RASA2: variants seen among roughly 807,000 people sequenced by gnomAD.
The protein encoded by RASA2 is ras GTPase-activating protein 2.
Under a neutral mutation model 118.2 loss-of-function variants are expected in RASA2, and 155 were observed. That is an observed-to-expected ratio of 1.31 (90% CI 1.15 to 1.50). RASA2 has a LOEUF of 1.50. RASA2 is among the 40% of genes most tolerant of loss of function. The pLI, the probability that RASA2 is intolerant of heterozygous loss-of-function variation, is 0.00. For synonymous variants in RASA2, 353 were observed against 349.1 expected, an observed-to-expected ratio of 1.01 and a Z score of -0.12; for missense variants, 1,016 against 1,009.6, an observed-to-expected ratio of 1.01 and a Z score of -0.09.
intron 13 of RASA2, 62 bp from the exon 14 acceptor site, chr3:141,573,882 T>C (rs2082963727): frequency 2.2e-6 from 3 of 1,371,180 alleles, no homozygotes; most frequent in Middle Eastern, 4.7e-4. Flanking sequence ...TTTTCTTTCA[T>C]GAAGGCTATT....
At chr3:141,544,996 G>A (rs2082463166) in intron 5 of RASA2, among the ~76,000 whole-genome samples, 1 of 152,206 alleles carries the variant, frequency 6.6e-6, no homozygotes, top group Non-Finnish European at 1.5e-5. Context: ...CCAGAGGGTG[G>A]AGAGTAGGAG....
intron 3 of RASA2, among the ~76,000 whole-genome samples, chr3:141,523,809 C>G (rs1361748690): frequency 6.6e-6 from 1 of 152,176 alleles, no homozygotes; most frequent in Non-Finnish European, 1.5e-5. Flanking sequence ...ATGTCAGAGA[C>G]CTGAATACCA....
chr3:141,580,348 G>GT lies in RASA2; in HGVS notation c.1591-19dup. ...TTTTCTTGAAAACTTAGTAGTTTTG[G>GT]TCTTTTTTACATTCTTTAGGATGCA... On this transcript the variant is annotated intron_variant, in intron 15 of 23. Coordinates refer to ENST00000286364, the MANE Select transcript of RASA2 (RefSeq NM_006506.5). 1 of 1,536,458 alleles carries GT rather than the reference G, an allele frequency of 6.5e-7. No individual in the cohort carries two copies. The highest frequency in any genetic ancestry group is 1.2e-5 in the South Asian group (1 of 84,644).
At chr3:141,589,875 T>C (rs1159937159) in intron 19 of RASA2, among the ~76,000 whole-genome samples, 1 of 152,014 alleles carries the variant, frequency 6.6e-6, no homozygotes, top group Non-Finnish European at 1.5e-5. Context: ...ATCTCTGTTC[T>C]GTCCACTGAT....
intron 19 of RASA2, among the ~76,000 whole-genome samples, chr3:141,592,380 A>G (rs1235747776): frequency 6.6e-6 from 1 of 152,220 alleles, no homozygotes; most frequent in African/African-American, 2.4e-5. Context: ...TGGCTGGAAA[A>G]TTGAAGAAGA....
Position 141,580,280 on chromosome 3 carries a change from C to G in RASA2, c.1591-88C>G, listed in dbSNP as rs74488732. ...ACGTTTTTGAGTCATTGTTTTACAG[C>G]AATGTAGTCCATTTACTCTATTCTA... On this transcript the variant is annotated intron_variant, in intron 15 of 23. Coordinates refer to ENST00000286364, the MANE Select transcript of RASA2 (RefSeq NM_006506.5). The G allele has an allele frequency of 1.6e-3, 1,557 of 961,820 alleles. 20 individuals carry two copies. The African/African-American group carries it at 0.023, about 14-fold the overall frequency. 59.6% of individuals were successfully genotyped at this position (961,820 alleles called of 1,614,324 possible).
chr3:141,531,460 G>A (rs952594563), intron 4 of RASA2, among the ~76,000 whole-genome samples: 23 of 151,202 alleles, frequency 1.5e-4, no homozygotes, highest in African/African-American at 4.9e-4. Context: ...ATATGCATAT[G>A]TGTGTATATA....
At chr3:141,598,981 G>A (rs1213333023) in intron 19 of RASA2, among the ~76,000 whole-genome samples, 2 of 151,980 alleles carry the variant, frequency 1.3e-5, no homozygotes, top group Non-Finnish European at 2.9e-5. Flanking sequence ...CCAGTTACTC[G>A]GGAGGCTGAG....
At chr3:141,594,873 G>GT (rs35106155) in intron 19 of RASA2, among the ~76,000 whole-genome samples, 37,083 of 148,920 alleles carry the variant, frequency 0.25, 5,167 homozygotes, top group Non-Finnish European at 0.32. Context: ...AAGAATGCCT[G>GT]TTTTTTTTTT....
In RASA2 at chr3:141,487,105, G is replaced by A. The variant is rs1373040851; in HGVS notation, c.22G>A (p.Ala8Thr). ...CACCATGGCGGCGGCGGCGCCTGCT[G>A]CTGCGGCGGCTTCTTCCGAGGCGCC... MAAAAPA[A>T]AAASSEAPAA... The change falls in exon 1 of 24, where the codon GCT becomes ACT. Residue 8 changes from alanine to threonine, a missense_variant. Physicochemically the swap from Ala to Thr is moderately conservative, Grantham distance 58. This residue lies in a region of RASA2 where 896 missense variants were observed against 836.4 expected (regional missense o/e 1.07). Transcript: ENST00000286364. The A allele has an allele frequency of 7.8e-6, 11 of 1,403,674 alleles. 1 individual carries two copies. The highest frequency in any genetic ancestry group is 2.8e-5 in the South Asian group (2 of 70,238). The allele number at this position is 1,403,674 out of a possible 1,614,324, so 87.0% of individuals were successfully genotyped here.
chr3:141,516,149 A>T (rs567286792), intron 2 of RASA2, among the ~76,000 whole-genome samples, 179 bp from the exon 3 acceptor site: 11 of 151,814 alleles, frequency 7.2e-5, no homozygotes, highest in African/African-American at 2.4e-4. Flanking sequence ...ATGTATACAT[A>T]TGTAACAAAG....
At chr3:141,584,956 C>G (rs1455400711) in intron 17 of RASA2, among the ~76,000 whole-genome samples, 1 of 152,080 alleles carries the variant, frequency 6.6e-6, no homozygotes, top group Admixed American at 6.5e-5. Flanking sequence ...AATGCACCAG[C>G]AAGCATTTCC....
At position 141,572,602 on chromosome 3, in the gene RASA2, A is replaced by G. The variant is rs747179056; in HGVS notation, c.1170-7A>G. On this transcript the variant is annotated splice_region_variant and splice_polypyrimidine_tract_variant and intron_variant, in intron 11 of 23. Transcript: ENST00000286364. ...ACTACATTTGGTTTCATCTATTTCT[A>G]TTTCAGAGATGCAAACACAATTTTT... 5.6e-6 allele frequency: 9 copies of G among 1,596,818 alleles called. No individual in the cohort carries two copies. Among genetic ancestry groups the G allele is most frequent in the East Asian group, 2.2e-5 (1 of 44,654 alleles).
chr3:141,540,421 C>A, intron 4 of RASA2, 112 bp from the exon 5 acceptor site: 1 of 739,078 alleles, frequency 1.4e-6, no homozygotes, highest in Non-Finnish European at 2.2e-6. Flanking sequence ...GTAGGCAAAG[C>A]CATGTGCTAG....
chr3:141,608,794 T>A lies in RASA2; in HGVS notation c.2225+97T>A, dbSNP rs529782729. 91 of 1,316,088 alleles carry A rather than the reference T, an allele frequency of 6.9e-5. 1 individual carries two copies. The South Asian group carries it at 9.3e-4, about 13-fold the overall frequency. The allele number at this position is 1,316,088 out of a possible 1,614,324, so 81.5% of individuals were successfully genotyped here. On this transcript the variant is annotated intron_variant, in intron 21 of 23. Coordinates refer to ENST00000286364, the MANE Select transcript of RASA2 (RefSeq NM_006506.5). ...TCCATGAAAAGGAATGACATACTGA[T>A]CCATGCAACAACAAGGATGGGACCT...
intron 9 of RASA2, among the ~76,000 whole-genome samples, chr3:141,562,336 G>GAA (rs2082742776): frequency 7.9e-6 from 1 of 126,490 alleles, no homozygotes; most frequent in East Asian, 2.2e-4. Flanking sequence ...AAAAAAAAAA[G>GAA]AAATAGGCCT....
chr3:141,546,172 G>T (rs534807475), intron 5 of RASA2, among the ~76,000 whole-genome samples: 2 of 152,274 alleles, frequency 1.3e-5, no homozygotes, highest in East Asian at 3.9e-4. Flanking sequence ...CCATGAGAGC[G>T]CAGATACCTC....
At chr3:141,489,481 A>T (rs1381368156) in intron 1 of RASA2, among the ~76,000 whole-genome samples, 1 of 152,174 alleles carries the variant, frequency 6.6e-6, no homozygotes, top group Admixed American at 6.5e-5. Flanking sequence ...CAGCTTGGGG[A>T]GGGTGTAACC....
Position 141,609,944 on chromosome 3 carries a change from A to C in RASA2, c.2397A>C (p.Val799=). 1 of 1,608,334 alleles carries C rather than the reference A, an allele frequency of 6.2e-7. No individual in the cohort carries two copies. Residue 799 remains valine (V), a synonymous_variant, in exon 23 of 24, where the codon GTA becomes GTC. Coordinates refer to ENST00000286364, the MANE Select transcript of RASA2 (RefSeq NM_006506.5). ...AGCCTGATGATTATTCTAACTTTGT[A>C]ATCGAGGATTCTGTAACAACCTTTA... ...QKEPDDYSNF[V]IEDSVTTFKT...
Sources: allele counts gnomAD v4.1 joint callset (sites outside exome capture counted in the v4.1 genomes callset), GRCh38; gene constraint gnomAD v4.1.1; regional missense constraint gnomAD v4.1.1; transcripts MANE v1.5; gene names NCBI Gene and HGNC (gene_info 2026-07-23, HGNC 2026-07-21).